The following ZPLD1 variants were observed in gnomAD, a reference collection of about 807,000 sequenced individuals.
The protein encoded by ZPLD1 is zona pellucida-like domain-containing protein 1.
Under a neutral mutation model 47.2 loss-of-function variants are expected in ZPLD1, and 34 were observed. That is an observed-to-expected ratio of 0.72 (90% confidence interval 0.55 to 0.96). The LOEUF (loss-of-function observed/expected upper bound fraction) is 0.96. Among genes scored for constraint, ZPLD1 ranks in the 40% least tolerant of loss-of-function variants. The pLI is 0.00. For synonymous variants in ZPLD1, 176 were observed against 186.2 expected (o/e 0.95, Z 0.45); for missense variants, 512 against 505.8 (o/e 1.01, Z -0.12).
At chr3:102,421,890 A>G (rs1165920967) in intron 8 of ZPLD1, among the ~76,000 whole-genome samples, 2 of 151,712 alleles carry the variant, frequency 1.3e-5, no homozygotes, top group Non-Finnish European at 2.9e-5. Context: ...TTTCAAATCA[A>G]TTTCTAGACC....
At chr3:102,453,993 A>T (rs1053158752) in intron 4 of ZPLD1, among the ~76,000 whole-genome samples, 6 of 152,214 alleles carry the variant, frequency 3.9e-5, no homozygotes, top group African/African-American at 1.4e-4. Flanking sequence ...TCTTATTGGT[A>T]AATTTGCAAA....
intron 3 of ZPLD1, among the ~76,000 whole-genome samples, chr3:102,451,104 T>C (rs1193626139): frequency 1.3e-5 from 2 of 152,140 alleles, no homozygotes; most frequent in Non-Finnish European, 2.9e-5. Context: ...TTTTAATGAG[T>C]TTAAACTTAT....
intron 7 of ZPLD1, among the ~76,000 whole-genome samples, chr3:102,395,682 C>A (rs1424213948): frequency 6.6e-6 from 1 of 152,104 alleles, no homozygotes; most frequent in East Asian, 1.9e-4. Flanking sequence ...AACAGAAAAC[C>A]AATGCACCTG....
In ZPLD1 at chr3:102,479,415, G is replaced by A. The variant is rs1302243446; in HGVS notation, c.*1797G>A. On this transcript the variant is annotated 3_prime_UTR_variant, in exon 12 of 12. Coordinates refer to ENST00000466937, the MANE Select transcript of ZPLD1 (RefSeq NM_001329788.2). Reference sequence around the variant, plus strand: ...ATTCTACGATTAAGTTCTGTGAATAGGACATTATATCATTTAAGCTGTTTT... The same window carrying A: ...ATTCTACGATTAAGTTCTGTGAATAAGACATTATATCATTTAAGCTGTTTT... The A allele has an allele frequency of 6.6e-6, 1 of 152,144 alleles. No homozygotes were observed. Among genetic ancestry groups the A allele is most frequent in the Admixed American group, 6.5e-5 (1 of 15,278 alleles). 9.4% of individuals were successfully genotyped at this position (152,144 alleles called of 1,614,324 possible).
rs1379347256 is a variant in ZPLD1, at chr3:102,456,179, T to C, written c.328-14T>C. ...AGCCATTTAATCATTAAACTGCATCTAACATTCTAACAGGTATCCACAATT... is the reference window on the plus strand; with the variant it reads ...AGCCATTTAATCATTAAACTGCATCCAACATTCTAACAGGTATCCACAATT... On this transcript the variant is annotated splice_polypyrimidine_tract_variant and intron_variant, in intron 4 of 11. Coordinates refer to ENST00000466937, the MANE Select transcript of ZPLD1 (RefSeq NM_001329788.2). The C allele has an allele frequency of 2.5e-6, 4 of 1,605,414 alleles. No individual in the cohort carries two copies. Among genetic ancestry groups the C allele is most frequent in the African/African-American group, 2.7e-5 (2 of 74,626 alleles).
At chr3:102,393,097 C>G (rs1184393219) in intron 7 of ZPLD1, among the ~76,000 whole-genome samples, 2 of 152,038 alleles carry the variant, frequency 1.3e-5, no homozygotes, top group African/African-American at 2.4e-5. Flanking sequence ...ATTTTGTATT[C>G]ATATGTAATG....
At chr3:102,473,314 C>T (rs1270748086) in intron 10 of ZPLD1, among the ~76,000 whole-genome samples, 1 of 152,186 alleles carries the variant, frequency 6.6e-6, no homozygotes, top group Non-Finnish European at 1.5e-5. Flanking sequence ...AAGTAACCAG[C>T]TCTCCAGGTT....
At chr3:102,444,333 G>A (rs1195916143) in intron 3 of ZPLD1, among the ~76,000 whole-genome samples, 1 of 152,144 alleles carries the variant, frequency 6.6e-6, no homozygotes, top group Non-Finnish European at 1.5e-5. Context: ...TGTGATGAAA[G>A]ACTGAGGTGG....
intron 10 of ZPLD1, 77 bp downstream of exon 10, chr3:102,470,579 C>T: frequency 8.6e-7 from 1 of 1,161,056 alleles, no homozygotes; most frequent in South Asian, 1.3e-5. Flanking sequence ...AACGAGAACT[C>T]AAAGTGGTTC....
chr3:102,420,039 A>G (rs1706858386), intron 8 of ZPLD1, among the ~76,000 whole-genome samples: 2 of 152,030 alleles, frequency 1.3e-5, no homozygotes, highest in Admixed American at 6.6e-5. Context: ...TTACCAAGAT[A>G]TGATAAAGCA....
intron 8 of ZPLD1, 152 bp downstream of exon 8, chr3:102,464,403 G>C: frequency 1.8e-6 from 1 of 552,654 alleles, no homozygotes; most frequent in Non-Finnish European, 3.1e-6. Context: ...TTATAAAGCT[G>C]AAAGTATAAA....
chr3:102,445,341 T>A (rs147311184), intron 3 of ZPLD1, among the ~76,000 whole-genome samples: 17 of 152,316 alleles, frequency 1.1e-4, no homozygotes, highest in Middle Eastern at 3.4e-3. Context: ...TCAGATGCAG[T>A]TCTAACCCCT....
At chr3:102,446,769 ATGT>A (rs1234088702) in intron 3 of ZPLD1, among the ~76,000 whole-genome samples, 5 of 152,158 alleles carry the variant, frequency 3.3e-5, no homozygotes, top group South Asian at 4.1e-4. Context: ...TTTGTTTATA[ATGT>A]TGTTTACAAA....
chr3:102,401,137 G>A (rs553658358), intron 7 of ZPLD1, among the ~76,000 whole-genome samples: 1 of 152,142 alleles, frequency 6.6e-6, no homozygotes, highest in East Asian at 1.9e-4. Flanking sequence ...GCCAGTGAGA[G>A]AAAATTAGGA....
At position 102,477,848 on chromosome 3, in the gene ZPLD1, C is replaced by A; in HGVS notation, c.*230C>A. ...TTTATGCCACCAGTGAATATATTGA[C>A]AATAAGTGAAAAATATTCAGGACTT... On this transcript the variant is annotated 3_prime_UTR_variant, in exon 12 of 12. Coordinates refer to ENST00000466937, the MANE Select transcript of ZPLD1 (RefSeq NM_001329788.2). 2.8e-6 allele frequency: 1 copy of A among 355,810 alleles called. No homozygotes were observed. The highest frequency in any genetic ancestry group is 5.0e-6 in the Non-Finnish European group (1 of 200,558). The allele number at this position is 355,810 out of a possible 1,614,324, so 22.0% of individuals were successfully genotyped here. A position where few individuals can be genotyped will look rare whatever the true frequency, so the allele number is the denominator to read the frequency against.
At chr3:102,444,142 T>C (rs1004534374) in intron 3 of ZPLD1, among the ~76,000 whole-genome samples, 4 of 152,366 alleles carry the variant, frequency 2.6e-5, no homozygotes, top group Non-Finnish European at 5.9e-5. Context: ...ACTTTTTGTT[T>C]TTATAAATAA....
chr3:102,421,107 T>G (rs1013053712), intron 8 of ZPLD1, among the ~76,000 whole-genome samples: 2 of 151,902 alleles, frequency 1.3e-5, no homozygotes, highest in African/African-American at 2.4e-5. Context: ...AATTTAACCA[T>G]TCAAAAAGTA....
At chr3:102,442,801 C>T (rs537349466) in intron 3 of ZPLD1, among the ~76,000 whole-genome samples, 3 of 151,596 alleles carry the variant, frequency 2.0e-5, no homozygotes, top group Non-Finnish European at 4.4e-5. Flanking sequence ...GGCATTTATC[C>T]TGGGACCAAG....
chr3:102,476,556 T>C (rs886369817), intron 10 of ZPLD1, among the ~76,000 whole-genome samples: 2 of 152,132 alleles, frequency 1.3e-5, no homozygotes, highest in Non-Finnish European at 2.9e-5. Flanking sequence ...GTTGGGCAAA[T>C]TGGCAATACT....
Sources: allele counts gnomAD v4.1 joint callset (sites outside exome capture counted in the v4.1 genomes callset), GRCh38; gene constraint gnomAD v4.1.1; transcripts MANE v1.5; gene names NCBI Gene and HGNC (gene_info 2026-07-23, HGNC 2026-07-21).